Variants in SRRD observed in about 807,000 individuals in gnomAD.
SRRD encodes SRR1 domain containing.
Under a neutral mutation model 30.7 loss-of-function variants are expected in SRRD, and 28 were observed. That is an observed-to-expected ratio of 0.91 (90% confidence interval 0.68 to 1.25). The LOEUF (loss-of-function observed/expected upper bound fraction) is 1.25, where lower values mean the gene tolerates loss of function less well. Ranked by LOEUF, SRRD falls within the 50% of genes most tolerant of loss-of-function variation. The pLI is 0.00. For synonymous variants in SRRD, 161 were observed against 159.6 expected (o/e 1.01, Z -0.07); for missense variants, 415 against 417.3 (o/e 0.99, Z 0.05).
chr22:26,492,494 T>G lies in SRRD; in HGVS notation c.*822T>G. The stretch of plus-strand genomic sequence containing the variant: ...TGACTCACTGAAGGGCAGCTCTGCC[T>G]CAAAGATACAACTTTGGAGGAAGTT... On this transcript the variant is annotated 3_prime_UTR_variant, in exon 7 of 7. Transcript: ENST00000215917. 1.3e-6 allele frequency: 1 copy of G among 799,100 alleles called. No individual in the cohort carries two copies. Among genetic ancestry groups the G allele is most frequent in the Non-Finnish European group, 2.0e-6 (1 of 495,702 alleles). 49.5% of individuals were successfully genotyped at this position (799,100 alleles called of 1,614,324 possible).
rs79618627 is a variant in SRRD at position 26,489,168 on chromosome 22, G to C, written c.609+680G>C. ...AAAATTTGGCTCAGTTGAGAGAAGA[G>C]TCATTCCCTGATATTGGCAAGGTCC... On this transcript the variant is annotated intron_variant, in intron 4 of 6. Coordinates refer to ENST00000215917, the MANE Select transcript of SRRD (RefSeq NM_001013694.3). 8.4e-3 allele frequency among the ~76,000 whole-genome samples: 1,276 copies of C among 152,292 alleles called. 8 individuals carry two copies. The highest frequency in any genetic ancestry group is 0.017 in the Middle Eastern group (5 of 294).
At chr22:26,486,105 A>G (rs2091706827) in intron 2 of SRRD, 42 bp downstream of exon 2, 1 of 1,613,724 alleles carries the variant, frequency 6.2e-7, no homozygotes, top group Admixed American at 1.7e-5. Flanking sequence ...TGGGGCAGAA[A>G]AGAGAATCAG....
chr22:26,494,075 T>A lies in SRRD; in HGVS notation c.*2403T>A, dbSNP rs1921599153. On this transcript the variant is annotated 3_prime_UTR_variant, in exon 7 of 7. Coordinates refer to ENST00000215917, the MANE Select transcript of SRRD (RefSeq NM_001013694.3). ...GGAACCAGAAAACTCTGATTCTGTGTCATTTACATGTGTAAAATCTGAAAC... is the reference window on the plus strand; with the variant it reads ...GGAACCAGAAAACTCTGATTCTGTGACATTTACATGTGTAAAATCTGAAAC... 4 of 1,577,864 alleles carry A rather than the reference T, an allele frequency of 2.5e-6. No homozygotes were observed. In the South Asian group the frequency reaches 4.6e-5, roughly 18 times the overall value.
chr22:26,491,326 CA>C, intron 6 of SRRD, 136 bp from the exon 7 acceptor site: 2 of 785,624 alleles, frequency 2.5e-6, no homozygotes, highest in Non-Finnish European at 4.1e-6. Flanking sequence ...TGTGCAAAAG[CA>C]TTTAAATCAA....
In SRRD at chr22:26,492,003, C is replaced by G; in HGVS notation, c.*331C>G. The G allele has an allele frequency of 6.3e-7, 1 of 1,580,092 alleles. No homozygotes were observed. Among genetic ancestry groups the G allele is most frequent in the Non-Finnish European group, 8.6e-7 (1 of 1,162,748 alleles). ...GGCAAGTCTCTGACTGGTTCTGGAC[C>G]TGCCACAGTTCACTTGGCCATGTCG... On this transcript the variant is annotated 3_prime_UTR_variant, in exon 7 of 7. Transcript: ENST00000215917.
At position 26,490,182 on chromosome 22, in the gene SRRD, A is replaced by G. The variant is rs1920999924; in HGVS notation, c.748A>G (p.Lys250Glu). The change falls in exon 5 of 7, where the codon AAA becomes GAA. Residue 250 changes from lysine to glutamate, a missense_variant. Transcript: ENST00000215917. ...SKMVIIGNSF[K>E]GLEERLLARI... ...GATGGTCATCATTGGGAACAGTTTC[A>G]AAGGACTTGAGGAGAGGTAAGTCTG... 1 of 1,614,148 alleles carries G rather than the reference A, an allele frequency of 6.2e-7. No individual in the cohort carries two copies. The highest frequency in any genetic ancestry group is 8.5e-7 in the Non-Finnish European group (1 of 1,180,002).
chr22:26,491,750 C>G lies in SRRD; in HGVS notation c.*78C>G, dbSNP rs1055939146. 1 of 1,301,396 alleles carries G rather than the reference C, an allele frequency of 7.7e-7. No homozygotes were observed. Among genetic ancestry groups the G allele is most frequent in the African/African-American group, 1.5e-5 (1 of 67,604 alleles). The allele number at this position is 1,301,396 out of a possible 1,614,324, so 80.6% of individuals were successfully genotyped here. On this transcript the variant is annotated 3_prime_UTR_variant, in exon 7 of 7. Transcript: ENST00000215917. Reference sequence around the variant, plus strand: ...TAAAGGGAAGGCTGCTATGGAGGAACTACAGAGAACTCCTTTGCCAGGAAA... The same window carrying G: ...TAAAGGGAAGGCTGCTATGGAGGAAGTACAGAGAACTCCTTTGCCAGGAAA...
In SRRD at chr22:26,483,900, G is replaced by A. The variant is rs1323948661; in HGVS notation, c.10G>A (p.Ala4Thr). 7.4e-7 allele frequency: 1 copy of A among 1,347,478 alleles called. No homozygotes were observed. Among genetic ancestry groups the A allele is most frequent in the South Asian group, 1.9e-5 (1 of 52,772 alleles). 83.5% of individuals were successfully genotyped at this position (1,347,478 alleles called of 1,614,324 possible). A position where few individuals can be genotyped will look rare whatever the true frequency, so the allele number is the denominator to read the frequency against. The change falls in exon 1 of 7, where the codon GCC becomes ACC. Residue 4 changes from alanine to threonine, a missense_variant. Transcript: ENST00000215917. MAA[A>T]AAAALESWQA... ...CTGACGTCAGAGACCAATGGCTGCG[G>A]CCGCAGCTGCGGCGCTGGAATCCTG...
At chr22:26,490,558 G>GTTTTTTTTTTTTTTTT (rs1491237870) in intron 5 of SRRD, among the ~76,000 whole-genome samples, 8 of 25,700 alleles carry the variant, frequency 3.1e-4, no homozygotes, top group Non-Finnish European at 5.7e-4. Context: ...TGGAATATTT[G>GTTTTTTTTTTTTTTTT]CTTTTTTTTT....
Position 26,494,319 on chromosome 22 carries a change from A to G in SRRD, c.*2647A>G, listed in dbSNP as rs369881723. 1.9e-6 allele frequency: 3 copies of G among 1,614,042 alleles called. No homozygotes were observed. The African/African-American group carries it at 4.0e-5, about 22-fold the overall frequency. On this transcript the variant is annotated 3_prime_UTR_variant, in exon 7 of 7. Coordinates refer to ENST00000215917, the MANE Select transcript of SRRD (RefSeq NM_001013694.3). ...GAGCACAGCACCTGCCAAAAAGAAA[A>G]ATTACTTGCATCCATCGTGGCAACA...
intron 2 of SRRD, 126 bp from the exon 3 acceptor site, chr22:26,487,903 G>C: frequency 1.9e-6 from 2 of 1,058,136 alleles, no homozygotes; most frequent in East Asian, 2.5e-5. Flanking sequence ...CTCTCTCTCT[G>C]AAGAATTGAA....
chr22:26,486,587 C>T (rs1013093569), intron 2 of SRRD, among the ~76,000 whole-genome samples: 5 of 152,204 alleles, frequency 3.3e-5, no homozygotes, highest in African/African-American at 1.2e-4. Context: ...TCATAGTTCA[C>T]TGCAACCTGT....
Position 26,492,385 on chromosome 22 carries a change from CAG to C in SRRD, c.*714_*715del. 1.2e-6 allele frequency: 2 copies of C among 1,611,752 alleles called. No individual in the cohort carries two copies. The highest frequency in any genetic ancestry group is 1.7e-4 in the Middle Eastern group (1 of 6,060). ...TGTAGGCACCTAAGATACAGGAGGA[CAG>C]GGCGGTGAGGAGAGGTGTTTCCAGG... is the stretch of plus-strand genomic sequence containing the variant. On this transcript the variant is annotated 3_prime_UTR_variant, in exon 7 of 7. Transcript: ENST00000215917.
chr22:26,490,791 T>A, intron 5 of SRRD: 1 of 473,600 alleles, frequency 2.1e-6, no homozygotes, highest in South Asian at 2.8e-5. Context: ...CTTGAACTCC[T>A]GACCTCAAAT....
chr22:26,487,343 GACTTAAACAGAGTATA>G (rs1261458307), intron 2 of SRRD, among the ~76,000 whole-genome samples: 3 of 152,116 alleles, frequency 2.0e-5, no homozygotes, highest in Non-Finnish European at 4.4e-5. Context: ...TACATGAGAA[GACTTAAACAGAGTATA>G]ACTTTATTTT....
intron 2 of SRRD, 109 bp downstream of exon 2, chr22:26,486,172 G>T: frequency 7.7e-7 from 1 of 1,296,520 alleles, no homozygotes; most frequent in Admixed American, 1.9e-5. Context: ...TTCTAACGCC[G>T]CCCGCCCCTT....
At position 26,488,471 on chromosome 22, in the gene SRRD, G is replaced by A. The variant is rs199875224; in HGVS notation, c.592G>A (p.Val198Ile). The A allele has an allele frequency of 5.6e-6, 9 of 1,613,776 alleles. No individual in the cohort carries two copies. The Admixed American group carries it at 1.2e-4, about 21-fold the overall frequency. The change falls in exon 4 of 7, where the codon GTT becomes ATT. Residue 198 changes from valine (V) to isoleucine (I), a missense_variant. By Grantham distance (29) the Val-to-Ile change is conservative. Transcript: ENST00000215917. The stretch of plus-strand genomic sequence containing the variant: ...AGTCCTTAACACCCTTGGTGTGACT[G>A]TTCTCAGTGAGAACGAGGTAAGTGG... ...IEVLNTLGVT[V>I]LSENEEGKRS... is the part of the protein sequence containing the mutation.
At chr22:26,487,182 A>C (rs2091714980) in intron 2 of SRRD, among the ~76,000 whole-genome samples, 1 of 152,002 alleles carries the variant, frequency 6.6e-6, no homozygotes, top group South Asian at 2.1e-4. Context: ...CGGTCTCCCA[A>C]GGTACTGGGA....
rs762821286 is a variant in SRRD, at chr22:26,491,499, A to G, written c.847A>G (p.Thr283Ala). The change falls in exon 7 of 7, where the codon ACT becomes GCT. Residue 283 changes from threonine to alanine, a missense_variant. By Grantham distance (58) the Thr-to-Ala change is moderately conservative (BLOSUM62 0). Coordinates refer to ENST00000215917, the MANE Select transcript of SRRD (RefSeq NM_001013694.3). ...KGLEELEFPQTSQYMDIFNDT... is the reference protein window; with the variant it reads ...KGLEELEFPQASQYMDIFNDT... Reference sequence around the variant, plus strand: ...ACTGGAGGAGCTTGAGTTTCCTCAGACTTCACAATACATGGACATATTTAA... The same window carrying G: ...ACTGGAGGAGCTTGAGTTTCCTCAGGCTTCACAATACATGGACATATTTAA... 1 of 1,613,942 alleles carries G rather than the reference A, an allele frequency of 6.2e-7. No homozygotes were observed. The highest frequency in any genetic ancestry group is 8.5e-7 in the Non-Finnish European group (1 of 1,180,004).
Sources: allele counts gnomAD v4.1 joint callset (sites outside exome capture counted in the v4.1 genomes callset), GRCh38; gene constraint gnomAD v4.1.1; transcripts MANE v1.5; gene names NCBI Gene and HGNC (gene_info 2026-07-23, HGNC 2026-07-21).